The following SCAF8 variants were observed in gnomAD, a reference collection of about 807,000 sequenced individuals.
SCAF8 encodes SR-related and CTD-associated factor 8.
A neutral mutation model predicts 140.5 loss-of-function variants in SCAF8; 23 were observed. The observed-to-expected ratio is 0.16, with a 90% CI of 0.12 to 0.23. The LOEUF is 0.23. Ranked by LOEUF, SCAF8 falls within the 10% of genes least tolerant of loss-of-function variation. The probability of loss-of-function intolerance (pLI) is 1.00; values close to 1 mark genes in which losing one functional copy is unlikely to be tolerated. For synonymous variants in SCAF8, 575 were observed against 528.9 expected, an observed-to-expected ratio of 1.09 and a Z score of -1.20; for missense variants, 1,397 against 1,555.7, an observed-to-expected ratio of 0.90 and a Z score of 1.72.
At chr6:154,767,347 C>T (rs988100089) in intron 1 of SCAF8, among the ~76,000 whole-genome samples, 22 of 151,776 alleles carry the variant, frequency 1.4e-4, no homozygotes, top group African/African-American at 5.3e-4. Flanking sequence ...GTTTGCCTCT[C>T]TTCCTTACCA....
intron 1 of SCAF8, among the ~76,000 whole-genome samples, chr6:154,767,087 C>CT (rs912112113): frequency 6.6e-6 from 1 of 152,106 alleles, no homozygotes; most frequent in African/African-American, 2.4e-5. Context: ...AAGGCAGTCC[C>CT]TTACTGGCAA....
chr6:154,810,276 GTC>G (rs1324954607), intron 12 of SCAF8, 68 bp downstream of exon 12: 2 of 1,169,082 alleles, frequency 1.7e-6, no homozygotes, highest in Non-Finnish European at 1.2e-6. Context: ...CTGCTACAAA[GTC>G]TCTCAGCCAA....
At chr6:154,741,598 G>A (rs1475750687) in intron 1 of SCAF8, among the ~76,000 whole-genome samples, 1 of 151,902 alleles carries the variant, frequency 6.6e-6, no homozygotes, top group Non-Finnish European at 1.5e-5. Context: ...GTAGAGACGG[G>A]GTTTCACCAT....
chr6:154,766,476 A>G (rs191173428), intron 1 of SCAF8, among the ~76,000 whole-genome samples: 26 of 152,274 alleles, frequency 1.7e-4, no homozygotes, highest in African/African-American at 5.5e-4. Flanking sequence ...CCCTTCTGCC[A>G]GATTGTCTAA....
intron 1 of SCAF8, among the ~76,000 whole-genome samples, chr6:154,739,456 T>C (rs748434496): frequency 6.6e-6 from 1 of 152,208 alleles, no homozygotes; most frequent in Non-Finnish European, 1.5e-5. Flanking sequence ...TATTACAATG[T>C]AGCCTTTCCC....
chr6:154,767,564 G>A (rs1487581327), intron 1 of SCAF8, among the ~76,000 whole-genome samples: 1 of 133,294 alleles, frequency 7.5e-6, no homozygotes, highest in Non-Finnish European at 1.6e-5. Flanking sequence ...TTTGAGATGG[G>A]CGTCTCACTG....
intron 12 of SCAF8, among the ~76,000 whole-genome samples, chr6:154,814,921 TTAAGGA>T (rs1047055479): frequency 2.0e-5 from 3 of 152,206 alleles, no homozygotes; most frequent in South Asian, 2.1e-4. Context: ...GATTGTTTCC[TTAAGGA>T]TAAGATGCTG....
At chr6:154,751,699 A>G (rs1038395769) in intron 1 of SCAF8, among the ~76,000 whole-genome samples, 1 of 152,142 alleles carries the variant, frequency 6.6e-6, no homozygotes, top group East Asian at 1.9e-4. Flanking sequence ...TGTTTTCATT[A>G]TTTTTACTAT....
chr6:154,809,937 T>G, intron 11 of SCAF8, 78 bp from the exon 12 acceptor site: 1 of 1,168,230 alleles, frequency 8.6e-7, no homozygotes, highest in East Asian at 2.4e-5. Flanking sequence ...TTGTTATTGT[T>G]TTTTCCCTCA....
At chr6:154,751,886 C>T (rs2114808783) in intron 1 of SCAF8, among the ~76,000 whole-genome samples, 1 of 152,310 alleles carries the variant, frequency 6.6e-6, no homozygotes, top group South Asian at 2.1e-4. Context: ...AGAAAATACG[C>T]TTTCCTTGGC....
At chr6:154,820,355 T>TA in intron 15 of SCAF8, 22 bp downstream of exon 15, 1 of 1,586,298 alleles carries the variant, frequency 6.3e-7, no homozygotes, top group Admixed American at 1.9e-5. Flanking sequence ...AAGGTCTTTT[T>TA]ATTGTTAAAA....
intron 1 of SCAF8, among the ~76,000 whole-genome samples, chr6:154,757,765 A>G (rs1779002162): frequency 2.0e-5 from 3 of 152,216 alleles, no homozygotes; most frequent in African/African-American, 7.2e-5. Flanking sequence ...AGGCATATAC[A>G]TGTACATATG....
chr6:154,749,533 T>C (rs906546216), intron 1 of SCAF8, among the ~76,000 whole-genome samples: 2 of 152,162 alleles, frequency 1.3e-5, no homozygotes, highest in Non-Finnish European at 2.9e-5. Context: ...AAAAGTAATA[T>C]GAGGAGCATT....
chr6:154,824,912 C>T (rs2114683434), intron 17 of SCAF8: 1 of 151,666 alleles, frequency 6.6e-6, no homozygotes, highest in East Asian at 1.9e-4. Flanking sequence ...CCACTGTGCT[C>T]CAGCCTGGGT....
rs913519739 is a variant in SCAF8, at chr6:154,777,905, A to T, written c.115-96A>T. 22 of 724,956 alleles carry T rather than the reference A, an allele frequency of 3.0e-5. No individual in the cohort carries two copies. The African/African-American group carries it at 4.0e-4, about 13-fold the overall frequency. The allele number at this position is 724,956 out of a possible 1,614,324, so 44.9% of individuals were successfully genotyped here. On this transcript the variant is annotated intron_variant, in intron 2 of 19. Coordinates refer to ENST00000367178, the MANE Select transcript of SCAF8 (RefSeq NM_014892.5). ...ATTCTTGGTTAAGATAATTGTTTTG[A>T]TAGACCTTTGGAGCATGTAAAACCT...
intron 19 of SCAF8, among the ~76,000 whole-genome samples, 196 bp downstream of exon 19, chr6:154,831,336 A>G (rs1037170094): frequency 6.6e-6 from 1 of 152,082 alleles, no homozygotes; most frequent in South Asian, 2.1e-4. Context: ...CTAGATTTCA[A>G]TATGTTTCCA....
At chr6:154,753,037 G>A (rs1278499322) in intron 1 of SCAF8, among the ~76,000 whole-genome samples, 2 of 151,792 alleles carry the variant, frequency 1.3e-5, no homozygotes, top group African/African-American at 2.4e-5. Context: ...TTACCAGAAG[G>A]TATAAAGTGG....
intron 1 of SCAF8, among the ~76,000 whole-genome samples, 189 bp from the exon 2 acceptor site, chr6:154,773,796 CAAGT>C (rs1217624715): frequency 6.6e-6 from 1 of 152,126 alleles, no homozygotes; most frequent in East Asian, 1.9e-4. Context: ...TGATTATAAG[CAAGT>C]AAGTGTGAAG....
chr6:154,751,654 A>G (rs773484047), intron 1 of SCAF8, among the ~76,000 whole-genome samples: 9 of 152,200 alleles, frequency 5.9e-5, no homozygotes, highest in Non-Finnish European at 1.3e-4. Flanking sequence ...TTAGTGGCCT[A>G]ATTAGAACAC....
Sources: allele counts gnomAD v4.1 joint callset (sites outside exome capture counted in the v4.1 genomes callset), GRCh38; gene constraint gnomAD v4.1.1; transcripts MANE v1.5; gene names NCBI Gene and HGNC (gene_info 2026-07-23, HGNC 2026-07-21).